PCYOX1: variants seen among roughly 807,000 people sequenced by gnomAD.
PCYOX1 encodes prenylcysteine lyase.
In PCYOX1, 46 loss-of-function variants were observed where a neutral mutation model predicts 46.4. That is an observed-to-expected ratio of 0.99 (90% CI 0.78 to 1.27). The LOEUF is 1.27. Ranked by LOEUF, PCYOX1 falls within the 50% of genes most tolerant of loss-of-function variation. PCYOX1 has a pLI of 0.00. For synonymous variants in PCYOX1, 220 were observed against 231.8 expected (o/e 0.95, Z 0.46); for missense variants, 658 against 628.3 (o/e 1.05, Z -0.51).
intron 3 of PCYOX1, among the ~76,000 whole-genome samples, chr2:70,262,672 G>A (rs902177490): frequency 1.3e-5 from 2 of 151,432 alleles, no homozygotes; most frequent in African/African-American, 4.9e-5. Context: ...GTAGAGACGG[G>A]GTTTCACTGT....
chr2:70,267,491 C>G (rs945334285), intron 3 of PCYOX1, among the ~76,000 whole-genome samples: 3 of 152,096 alleles, frequency 2.0e-5, no homozygotes, highest in African/African-American at 7.2e-5. Flanking sequence ...GCACTCCAGC[C>G]TGGGCAACAT....
Position 70,279,514 on chromosome 2 carries a change from G to C in PCYOX1, c.*2122G>C, listed in dbSNP as rs1452147596. ...AGGCTGGGCGCAGTGGCTCACGCCT[G>C]TAATCCCAGCACTTTGGGAGGCCAA... On this transcript the variant is annotated 3_prime_UTR_variant, in exon 6 of 6. Transcript: ENST00000433351. 6.6e-6 allele frequency: 1 copy of C among 152,214 alleles called. No individual in the cohort carries two copies. The highest frequency in any genetic ancestry group is 2.4e-5 in the African/African-American group (1 of 41,446). 9.4% of individuals were successfully genotyped at this position (152,214 alleles called of 1,614,324 possible). A position where few individuals can be genotyped will look rare whatever the true frequency, so the allele number is the denominator to read the frequency against.
chr2:70,258,118 G>A, upstream of PCYOX1: 3 of 1,442,528 alleles, frequency 2.1e-6, no homozygotes, highest in Non-Finnish European at 2.8e-6. Flanking sequence ...CGCAGCGGTG[G>A]GAGGACTGCG....
chr2:70,258,608 C>G (rs149629562), intron 1 of PCYOX1: 1 of 250,032 alleles, frequency 4.0e-6, no homozygotes, highest in African/African-American at 2.3e-5. Flanking sequence ...TCTCTATCTT[C>G]CCGTTGAACA....
chr2:70,259,026 A>G (rs970121413), intron 1 of PCYOX1, among the ~76,000 whole-genome samples: 3 of 152,190 alleles, frequency 2.0e-5, no homozygotes, highest in African/African-American at 7.2e-5. Context: ...TGCGTGCTGG[A>G]AAGGTCCACC....
chr2:70,266,139 G>A (rs79930502), intron 3 of PCYOX1, among the ~76,000 whole-genome samples: 6 of 152,166 alleles, frequency 3.9e-5, no homozygotes, highest in African/African-American at 1.4e-4. Context: ...ACCTTTTGAG[G>A]TAAAAGAGAC....
chr2:70,275,054 G>C lies in PCYOX1; in HGVS notation c.590G>C (p.Arg197Pro). ...GGDDFLGMLN[R>P]TLLETLQKAG... is the part of the protein sequence containing the mutation. ...GATGACTTCCTTGGAATGCTTAATC[G>C]AACACTTCTTGAAACCTTGCAAAAG... The change falls in exon 4 of 6, where the codon CGA becomes CCA. Residue 197 changes from arginine to proline, a missense_variant. By Grantham distance (103) the Arg-to-Pro change is moderately radical. Transcript: ENST00000433351. 1 of 1,613,710 alleles carries C rather than the reference G, an allele frequency of 6.2e-7. No individual in the cohort carries two copies. The highest frequency in any genetic ancestry group is 8.5e-7 in the Non-Finnish European group (1 of 1,179,670).
At position 70,275,506 on chromosome 2, in the gene PCYOX1, A is replaced by G. The variant is rs772782252; in HGVS notation, c.707-8A>G. On this transcript the variant is annotated splice_region_variant and splice_polypyrimidine_tract_variant and intron_variant, in intron 4 of 5. Coordinates refer to ENST00000433351, the MANE Select transcript of PCYOX1 (RefSeq NM_016297.4). ...AGAATTAAAACACATTTTTCCTCCT[A>G]TTGACAGGGGCGGTGTCACTGTCCT... 2.9e-5 allele frequency: 47 copies of G among 1,611,928 alleles called. No individual in the cohort carries two copies. Among genetic ancestry groups the G allele is most frequent in the South Asian group, 2.1e-4 (19 of 90,740 alleles).
Position 70,258,249 on chromosome 2 carries a change from G to C in PCYOX1, c.85G>C (p.Glu29Gln). ...LCSCGCPEGA[E>Q]LRAPPDKIAI... is the part of the protein sequence containing the mutation. ...CAGCTGCGGATGCCCCGAGGGCGCC[G>C]AGCTGCGTGCTCCGCCAGATAAAAT... Residue 29 changes from glutamate (E) to glutamine (Q), a missense_variant, in exon 1 of 6, where the codon GAG becomes CAG. Glu to Gln is a conservative substitution (Grantham distance 29, BLOSUM62 2). Coordinates refer to ENST00000433351, the MANE Select transcript of PCYOX1 (RefSeq NM_016297.4). 1 of 1,593,300 alleles carries C rather than the reference G, an allele frequency of 6.3e-7. No individual in the cohort carries two copies. The highest frequency in any genetic ancestry group is 8.5e-7 in the Non-Finnish European group (1 of 1,175,308).
rs892939463 is a variant in PCYOX1, at chr2:70,280,583, A to C, written c.*3191A>C. 5.3e-5 allele frequency: 8 copies of C among 152,222 alleles called. No individual in the cohort carries two copies. Among genetic ancestry groups the C allele is most frequent in the Admixed American group, 4.6e-4 (7 of 15,282 alleles). 9.4% of individuals were successfully genotyped at this position (152,222 alleles called of 1,614,324 possible). On this transcript the variant is annotated 3_prime_UTR_variant, in exon 6 of 6. Transcript: ENST00000433351. ...GTGATGCTGCTGTTCTACTATAGGA[A>C]CCACACTTGAAGAACTAGTTCTACA...
In PCYOX1 at chr2:70,275,682, T is replaced by TGTCG; in HGVS notation, c.859+16_859+17insGTCG. 6.2e-7 allele frequency: 1 copy of TGTCG among 1,611,464 alleles called. No individual in the cohort carries two copies. Among genetic ancestry groups the TGTCG allele is most frequent in the Non-Finnish European group, 8.5e-7 (1 of 1,177,670 alleles). On this transcript the variant is annotated intron_variant, in intron 5 of 5. Coordinates refer to ENST00000433351, the MANE Select transcript of PCYOX1 (RefSeq NM_016297.4). ...AAGTACACAGGTAAGCTTGAATTTCTTATTGTTCCTGATATCCCCTGCAGA... is the reference window on the plus strand; with the variant it reads ...AAGTACACAGGTAAGCTTGAATTTCTGTCGTATTGTTCCTGATATCCCCTGCAGA...
chr2:70,267,759 G>A (rs1487481821), intron 3 of PCYOX1, among the ~76,000 whole-genome samples: 2 of 151,608 alleles, frequency 1.3e-5, no homozygotes, highest in Non-Finnish European at 2.9e-5. Context: ...GCCTTGGCTC[G>A]GCATCAGAGG....
chr2:70,258,470 C>G (rs1460460905), intron 1 of PCYOX1, 194 bp downstream of exon 1: 6 of 454,742 alleles, frequency 1.3e-5, no homozygotes, highest in Admixed American at 4.5e-5. Flanking sequence ...ACTGTGCATT[C>G]CCAGGCGTGG....
intron 3 of PCYOX1, among the ~76,000 whole-genome samples, chr2:70,267,172 G>A (rs561286839): frequency 6.6e-5 from 10 of 151,334 alleles, no homozygotes; most frequent in African/African-American, 2.4e-4. Flanking sequence ...GGGCAGAGGC[G>A]CTCTTCACAT....
At chr2:70,269,094 A>G (rs2104895263) in intron 3 of PCYOX1, among the ~76,000 whole-genome samples, 1 of 150,858 alleles carries the variant, frequency 6.6e-6, no homozygotes, top group Non-Finnish European at 1.5e-5. Flanking sequence ...TGAACTATGT[A>G]TTTCAGTTCT....
chr2:70,277,338 C>T lies in PCYOX1; in HGVS notation c.1464C>T (p.His488=), dbSNP rs374598160. 5.5e-5 allele frequency: 88 copies of T among 1,613,648 alleles called. No homozygotes were observed. In the Middle Eastern group the frequency reaches 6.6e-4, roughly 12 times the overall value. The stretch of plus-strand genomic sequence containing the variant: ...TTGCCTATCACCGCTGGAACGGGCA[C>T]ACAGACATGATTGATCAGGATGGCT... The part of the protein sequence containing the change: ...ALLAYHRWNG[H]TDMIDQDGLY... Residue 488 remains histidine, a synonymous_variant, in exon 6 of 6, where the codon CAC becomes CAT. Transcript: ENST00000433351.
Position 70,258,147 on chromosome 2 carries a change from G to A in PCYOX1, c.-18G>A. The A allele has an allele frequency of 6.3e-7, 1 of 1,576,766 alleles. No homozygotes were observed. ...GACTGCGGGGCTCTTGAGGCCAGCTGCAGAGCTTGTGGAGGCCATGGGGCG... is the reference window on the plus strand; with the variant it reads ...GACTGCGGGGCTCTTGAGGCCAGCTACAGAGCTTGTGGAGGCCATGGGGCG... On this transcript the variant is annotated 5_prime_UTR_variant, in exon 1 of 6. Coordinates refer to ENST00000433351, the MANE Select transcript of PCYOX1 (RefSeq NM_016297.4).
At chr2:70,261,064 A>G (rs1696428425) in intron 2 of PCYOX1, 148 bp from the exon 3 acceptor site, 1 of 524,566 alleles carries the variant, frequency 1.9e-6, no homozygotes, top group African/African-American at 1.9e-5. Context: ...CAGTGTAGTG[A>G]AAGTATAGTG....
intron 3 of PCYOX1, 31 bp downstream of exon 3, chr2:70,261,417 A>C: frequency 6.9e-7 from 1 of 1,442,716 alleles, no homozygotes. Context: ...TTAACCTAAG[A>C]TCTTTTAATT....
Sources: gnomAD v4.1 joint callset for allele counts (sites outside exome capture counted in the v4.1 genomes callset) on GRCh38, gnomAD v4.1.1 for gene constraint, MANE v1.5 for transcripts, NCBI Gene and HGNC (gene_info 2026-07-23, HGNC 2026-07-21) for gene names.